Variants in ABHD18 observed in about 807,000 individuals in gnomAD.
ABHD18 encodes abhydrolase domain containing 18.
In ABHD18, 55 loss-of-function variants were observed where a neutral mutation model predicts 65.9. The observed-to-expected ratio is 0.84, with a 90% CI of 0.67 to 1.05. ABHD18 has a LOEUF of 1.05. ABHD18 is among the 50% of genes least tolerant of loss of function. The pLI is 0.00. For synonymous variants in ABHD18, 181 were observed against 180.2 expected, an observed-to-expected ratio of 1.00 and a Z score of -0.04; for missense variants, 533 against 558.5, an observed-to-expected ratio of 0.95 and a Z score of 0.46.
intron 2 of ABHD18, among the ~76,000 whole-genome samples, chr4:127,983,866 A>T (rs1371541375): frequency 6.6e-6 from 1 of 151,552 alleles, no homozygotes; most frequent in Non-Finnish European, 1.5e-5. Flanking sequence ...CAAAAAAAAT[A>T]AAAAAAATAA....
chr4:127,969,574 G>A (rs1334795218), intron 1 of ABHD18, among the ~76,000 whole-genome samples: 4 of 152,078 alleles, frequency 2.6e-5, no homozygotes, highest in African/African-American at 9.7e-5. Flanking sequence ...CAAAATATTT[G>A]AAAAGTTCAT....
chr4:128,027,862 A>G (rs1757615361), intron 10 of ABHD18, among the ~76,000 whole-genome samples: 1 of 152,206 alleles, frequency 6.6e-6, no homozygotes. Flanking sequence ...AAAAAAAATG[A>G]TGCAGGCTAA....
intron 3 of ABHD18, among the ~76,000 whole-genome samples, chr4:127,985,460 T>C (rs1483072804): frequency 6.6e-6 from 1 of 152,144 alleles, no homozygotes; most frequent in African/African-American, 2.4e-5. Context: ...TGAAAACTCC[T>C]CCTCTATATC....
chr4:128,002,311 C>G (rs1348016004), intron 4 of ABHD18, among the ~76,000 whole-genome samples: 1 of 150,676 alleles, frequency 6.6e-6, no homozygotes, highest in Non-Finnish European at 1.5e-5. Context: ...GAGTCTCGCT[C>G]TGTCACCCAG....
chr4:127,987,974 G>A (rs1468905467), intron 3 of ABHD18, among the ~76,000 whole-genome samples: 2 of 152,114 alleles, frequency 1.3e-5, no homozygotes, highest in African/African-American at 4.8e-5. Flanking sequence ...AGGAAGAGTA[G>A]TAAACAAAGA....
chr4:128,023,675 T>A (rs1038712186), intron 10 of ABHD18, among the ~76,000 whole-genome samples: 1 of 151,144 alleles, frequency 6.6e-6, no homozygotes, highest in African/African-American at 2.4e-5. Flanking sequence ...GGTCAGGAGA[T>A]CGAGACCATA....
intron 1 of ABHD18, among the ~76,000 whole-genome samples, chr4:127,975,291 A>T (rs531651606): frequency 1.3e-5 from 2 of 152,268 alleles, no homozygotes; most frequent in South Asian, 2.1e-4. Flanking sequence ...TACCCATTAA[A>T]CAGTAGCCTC....
intron 4 of ABHD18, among the ~76,000 whole-genome samples, chr4:127,998,400 C>G (rs1251725691): frequency 6.6e-6 from 1 of 151,636 alleles, no homozygotes; most frequent in Non-Finnish European, 1.5e-5. Context: ...CCACCACACC[C>G]TGCTAATTTT....
intron 4 of ABHD18, among the ~76,000 whole-genome samples, chr4:127,999,167 C>T (rs1179206864): frequency 6.6e-6 from 1 of 151,938 alleles, no homozygotes; most frequent in African/African-American, 2.4e-5. Flanking sequence ...GTCTGGAATC[C>T]CAGCTACTAA....
At chr4:127,996,823 T>C (rs1751816043) in intron 4 of ABHD18, among the ~76,000 whole-genome samples, 1 of 152,198 alleles carries the variant, frequency 6.6e-6, no homozygotes, top group African/African-American at 2.4e-5. Context: ...TTTCTCCTAC[T>C]CGCTTTCTGC....
intron 4 of ABHD18, among the ~76,000 whole-genome samples, chr4:128,002,693 G>C (rs1286543210): frequency 6.6e-6 from 1 of 152,038 alleles, no homozygotes; most frequent in East Asian, 1.9e-4. Context: ...ACCCACGCTG[G>C]AGTACAGTGG....
intron 8 of ABHD18, among the ~76,000 whole-genome samples, chr4:128,018,971 A>G (rs1297215686): frequency 4.0e-5 from 6 of 149,152 alleles, no homozygotes; most frequent in Admixed American, 1.4e-4. Context: ...CTGAGATCGC[A>G]CCACTGCACT....
At chr4:127,985,799 C>T (rs778814711) in intron 3 of ABHD18, among the ~76,000 whole-genome samples, 3 of 151,844 alleles carry the variant, frequency 2.0e-5, no homozygotes, top group African/African-American at 4.8e-5. Flanking sequence ...GTGAAGAGAT[C>T]GAGACCATCC....
chr4:127,973,444 G>T (rs1048663439), intron 1 of ABHD18, among the ~76,000 whole-genome samples: 6 of 152,158 alleles, frequency 3.9e-5, no homozygotes, highest in East Asian at 1.9e-4. Flanking sequence ...GTTATTGAGG[G>T]TGTCAGCCCA....
At chr4:128,033,831 C>T (rs914168697) in intron 12 of ABHD18, among the ~76,000 whole-genome samples, 18 of 151,018 alleles carry the variant, frequency 1.2e-4, no homozygotes, top group African/African-American at 1.9e-4. Context: ...CCACCGCACC[C>T]GGCTAAAGAC....
intron 8 of ABHD18, among the ~76,000 whole-genome samples, chr4:128,019,155 A>G (rs923754982): frequency 2.6e-5 from 4 of 152,126 alleles, no homozygotes; most frequent in African/African-American, 7.2e-5. Context: ...ATTACTGCCT[A>G]TTAACTGGTC....
At position 128,018,968 on chromosome 4, in the gene ABHD18, C is replaced by T. The variant is rs1372394338; in HGVS notation, c.610-1112C>T. Among the ~76,000 whole-genome samples the T allele has an allele frequency of 7.4e-5, 11 of 148,470 alleles. No individual in the cohort carries two copies. The Middle Eastern group carries it at 0.021, about 287-fold the overall frequency. ...AGCGGAGGTTGCAGTGAGCTGAGAT[C>T]GCACCACTGCACTCTAGCGTGAGCA... On this transcript the variant is annotated intron_variant, in intron 8 of 12. Coordinates refer to ENST00000645843, the MANE Select transcript of ABHD18 (RefSeq NM_001358451.3).
At chr4:127,991,160 G>A (rs1193526581) in intron 4 of ABHD18, among the ~76,000 whole-genome samples, 1 of 151,974 alleles carries the variant, frequency 6.6e-6, no homozygotes, top group Non-Finnish European at 1.5e-5. Flanking sequence ...ACCATGCTCG[G>A]CCACTGTTAA....
At chr4:127,994,700 A>G (rs1164956096) in intron 4 of ABHD18, among the ~76,000 whole-genome samples, 2 of 152,228 alleles carry the variant, frequency 1.3e-5, no homozygotes, top group Non-Finnish European at 2.9e-5. Flanking sequence ...TTCTAATACA[A>G]GTTCAGGAAA....
Sources: allele counts gnomAD v4.1 joint callset (sites outside exome capture counted in the v4.1 genomes callset), GRCh38; gene constraint gnomAD v4.1.1; transcripts MANE v1.5; gene names NCBI Gene and HGNC (gene_info 2026-07-23, HGNC 2026-07-21).